NTM: variants seen among roughly 807,000 people sequenced by gnomAD.
NTM encodes neurotrimin, also known as IgLON family member 2.
Under a neutral mutation model 42.1 loss-of-function variants are expected in NTM, and 13 were observed. The observed-to-expected ratio is 0.31, with a 90% CI of 0.20 to 0.49. The LOEUF (loss-of-function observed/expected upper bound fraction) is 0.49, where lower values mean the gene tolerates loss of function less well. Among genes scored for constraint, NTM ranks in the 20% least tolerant of loss-of-function variants. The probability of loss-of-function intolerance (pLI) is 0.99; values close to 1 mark genes in which losing one functional copy is unlikely to be tolerated. For missense variants in NTM, 373 were observed against 452.8 expected, an observed-to-expected ratio of 0.82 and a Z score of 1.60; for synonymous variants, 187 against 179.2, an observed-to-expected ratio of 1.04 and a Z score of -0.35.
chr11:131,911,334 G>A (rs1392946807), intron 1 of NTM: 4 of 1,485,316 alleles, frequency 2.7e-6, no homozygotes, highest in South Asian at 1.4e-5. Flanking sequence ...AGGAGTCTGC[G>A]CGCTTTTCTC....
chr11:132,282,375 C>A (rs1438776267), intron 4 of NTM, among the ~76,000 whole-genome samples: 6 of 152,168 alleles, frequency 3.9e-5, no homozygotes, highest in Non-Finnish European at 7.3e-5. Flanking sequence ...CAGTGGGTAA[C>A]TTGAAATAGC....
chr11:131,699,681 C>T (rs770327460), intron 1 of NTM, among the ~76,000 whole-genome samples: 6 of 152,148 alleles, frequency 3.9e-5, no homozygotes, highest in Non-Finnish European at 8.8e-5. Context: ...GGGAAGCAAA[C>T]GCGTCCTCCT....
intron 1 of NTM, among the ~76,000 whole-genome samples, chr11:131,880,572 C>G (rs1359199608): frequency 6.6e-6 from 1 of 152,130 alleles, no homozygotes; most frequent in Non-Finnish European, 1.5e-5. Flanking sequence ...GAGTCCAGTG[C>G]CAGGTACCAG....
chr11:131,786,110 A>G (rs961466860), intron 1 of NTM, among the ~76,000 whole-genome samples: 1 of 152,214 alleles, frequency 6.6e-6, no homozygotes, highest in Non-Finnish European at 1.5e-5. Context: ...AGAGATTTCT[A>G]TCTTCTAAAG....
At chr11:132,312,030 G>T (rs537205242) in intron 6 of NTM, among the ~76,000 whole-genome samples, 17 of 152,250 alleles carry the variant, frequency 1.1e-4, no homozygotes, top group African/African-American at 4.1e-4. Context: ...CCATTTAGTG[G>T]TTTAGTCAGT....
chr11:132,107,071 C>T (rs1304728909), intron 2 of NTM, among the ~76,000 whole-genome samples: 1 of 151,946 alleles, frequency 6.6e-6, no homozygotes, highest in Admixed American at 6.6e-5. Flanking sequence ...TTTTTTCATT[C>T]AGTGTACATT....
intron 4 of NTM, among the ~76,000 whole-genome samples, chr11:132,275,499 AT>A (rs1429776244): frequency 6.6e-6 from 1 of 150,896 alleles, no homozygotes; most frequent in Non-Finnish European, 1.5e-5. Flanking sequence ...CTTTTTTTTC[AT>A]TTTTTGAAAT....
At chr11:132,311,602 C>T (rs1309044763) in intron 6 of NTM, among the ~76,000 whole-genome samples, 1 of 152,106 alleles carries the variant, frequency 6.6e-6, no homozygotes, top group African/African-American at 2.4e-5. Flanking sequence ...TCTTATTGTA[C>T]TAAGAAGTAA....
intron 1 of NTM, among the ~76,000 whole-genome samples, chr11:131,751,748 G>T (rs947460830): frequency 1.3e-5 from 2 of 151,788 alleles, no homozygotes; most frequent in Non-Finnish European, 2.9e-5. Flanking sequence ...GACAGAGCAA[G>T]ATTCCGTCCC....
At chr11:132,055,232 C>A (rs1013139238) in intron 2 of NTM, among the ~76,000 whole-genome samples, 3 of 152,152 alleles carry the variant, frequency 2.0e-5, no homozygotes, top group African/African-American at 7.2e-5. Flanking sequence ...GGATAATGAA[C>A]GCAGCTGTTC....
intron 1 of NTM, among the ~76,000 whole-genome samples, chr11:131,517,276 A>G (rs972943073): frequency 1.3e-5 from 2 of 152,218 alleles, no homozygotes; most frequent in Non-Finnish European, 2.9e-5. Context: ...GAAATTCAGA[A>G]TCTGGCTGCC....
intron 2 of NTM, among the ~76,000 whole-genome samples, chr11:132,121,328 A>G (rs1473770685): frequency 1.3e-5 from 2 of 152,212 alleles, no homozygotes; most frequent in Non-Finnish European, 2.9e-5. Flanking sequence ...AGTAAAATAT[A>G]AAACAAAATG....
chr11:132,289,707 G>T (rs74710488), intron 4 of NTM, among the ~76,000 whole-genome samples: 2,574 of 152,270 alleles, frequency 0.017, 75 homozygotes, highest in African/African-American at 0.058. Context: ...ACTCAGTTCC[G>T]CTGGTCATGA....
intron 1 of NTM, among the ~76,000 whole-genome samples, chr11:131,862,631 A>G (rs1009804576): frequency 6.6e-6 from 1 of 152,168 alleles, no homozygotes; most frequent in Non-Finnish European, 1.5e-5. Context: ...CTGTCCTAAA[A>G]TTCAGATTTT....
At chr11:131,467,222 G>T (rs915386463) in intron 1 of NTM, among the ~76,000 whole-genome samples, 7 of 152,188 alleles carry the variant, frequency 4.6e-5, no homozygotes, top group Non-Finnish European at 1.0e-4. Context: ...GGCCAAGAGG[G>T]GTAAGAAGGA....
At chr11:131,509,704 G>A (rs1027287758) in intron 1 of NTM, among the ~76,000 whole-genome samples, 4 of 152,260 alleles carry the variant, frequency 2.6e-5, no homozygotes, top group Non-Finnish European at 4.4e-5. Flanking sequence ...CAGTTTCACC[G>A]CAGTGTCTTA....
At chr11:132,095,158 G>A (rs1036213172) in intron 2 of NTM, among the ~76,000 whole-genome samples, 1 of 152,178 alleles carries the variant, frequency 6.6e-6, no homozygotes, top group Non-Finnish European at 1.5e-5. Context: ...GGCTGCAGTG[G>A]GTACATTGAA....
intron 1 of NTM, among the ~76,000 whole-genome samples, chr11:131,485,723 C>T (rs1954106137): frequency 6.6e-6 from 1 of 152,208 alleles, no homozygotes; most frequent in Admixed American, 6.5e-5. Flanking sequence ...ATTCTCCAAC[C>T]ATCCCGAATG....
chr11:132,263,810 A>G (rs1385199591), intron 4 of NTM, among the ~76,000 whole-genome samples: 1 of 152,222 alleles, frequency 6.6e-6, no homozygotes, highest in Non-Finnish European at 1.5e-5. Context: ...ATTTTACAAC[A>G]AGGATTACCT....
Sources: allele counts gnomAD v4.1 joint callset (sites outside exome capture counted in the v4.1 genomes callset), GRCh38; gene constraint gnomAD v4.1.1; transcripts MANE v1.5; gene names NCBI Gene and HGNC (gene_info 2026-07-23, HGNC 2026-07-21).